The following BCL2L13 variants were observed in gnomAD, a reference collection of about 807,000 sequenced individuals.
The protein encoded by BCL2L13 is BCL2 like 13, also known as bcl-2-like protein 13.
A neutral mutation model predicts 25.8 loss-of-function variants in BCL2L13; 13 were observed. That is an observed-to-expected ratio of 0.50 (90% CI 0.33 to 0.80). The LOEUF is 0.80. Among genes scored for constraint, BCL2L13 ranks in the 30% least tolerant of loss-of-function variants. The probability of loss-of-function intolerance (pLI) is 0.02; values close to 1 mark genes in which losing one functional copy is unlikely to be tolerated. For missense variants in BCL2L13, 504 were observed against 574.9 expected, an observed-to-expected ratio of 0.88 and a Z score of 1.26; for synonymous variants, 244 against 230.3, an observed-to-expected ratio of 1.06 and a Z score of -0.54.
intron 1 of BCL2L13, among the ~76,000 whole-genome samples, chr22:17,643,350 C>G (rs879573649): frequency 6.6e-6 from 1 of 151,340 alleles, no homozygotes; most frequent in Admixed American, 6.6e-5. Context: ...GTGATCCGCC[C>G]GCCTTAGCCT....
intron 6 of BCL2L13, chr22:17,706,751 T>C (rs578058761): frequency 1.5e-6 from 2 of 1,352,080 alleles, no homozygotes; most frequent in East Asian, 4.5e-5. Context: ...CTCATTCTCT[T>C]TTCATTTCCT....
intron 2 of BCL2L13, among the ~76,000 whole-genome samples, chr22:17,680,327 G>A (rs1305173565): frequency 1.3e-5 from 2 of 150,670 alleles, no homozygotes; most frequent in Non-Finnish European, 3.0e-5. Flanking sequence ...TGGCTAACAC[G>A]GTGAAACCCC....
chr22:17,681,631 T>C (rs138411056), intron 2 of BCL2L13, among the ~76,000 whole-genome samples: 234 of 152,296 alleles, frequency 1.5e-3, no homozygotes, highest in Non-Finnish European at 2.3e-3. Flanking sequence ...CATTATTTTA[T>C]TGACATTCTC....
At chr22:17,706,599 G>A (rs933436698) in intron 6 of BCL2L13, 3 of 1,057,288 alleles carry the variant, frequency 2.8e-6, no homozygotes, top group African/African-American at 1.6e-5. Flanking sequence ...TCTGAAGAGT[G>A]TGGTTTTTTT....
At chr22:17,651,204 T>C (rs2058672667) in intron 1 of BCL2L13, among the ~76,000 whole-genome samples, 1 of 151,894 alleles carries the variant, frequency 6.6e-6, no homozygotes, top group Non-Finnish European at 1.5e-5. Flanking sequence ...TTCACCATGT[T>C]GGCCAGGATG....
At chr22:17,644,233 T>C (rs2058392648) in intron 1 of BCL2L13, among the ~76,000 whole-genome samples, 1 of 151,462 alleles carries the variant, frequency 6.6e-6, no homozygotes. Flanking sequence ...AATTACAGCT[T>C]TTTGATTTGT....
chr22:17,647,446 C>T (rs900666589), intron 1 of BCL2L13, among the ~76,000 whole-genome samples: 3 of 151,978 alleles, frequency 2.0e-5, no homozygotes, highest in Non-Finnish European at 2.9e-5. Context: ...TTTTTCCCCC[C>T]GTCCATTCTC....
chr22:17,638,709 G>A, upstream of BCL2L13: 1 of 1,231,736 alleles, frequency 8.1e-7, no homozygotes, highest in Non-Finnish European at 1.0e-6. Flanking sequence ...AGGTAGTTCA[G>A]GTCCCGCCCC....
chr22:17,702,410 A>G (rs2060465485), intron 6 of BCL2L13, 24 bp downstream of exon 6: 3 of 1,503,684 alleles, frequency 2.0e-6, no homozygotes, highest in African/African-American at 2.9e-5. Context: ...TATATTAAAA[A>G]TATTTTCTTG....
At chr22:17,697,267 C>T (rs748587994) in intron 5 of BCL2L13, among the ~76,000 whole-genome samples, 16 of 152,076 alleles carry the variant, frequency 1.1e-4, no homozygotes, top group South Asian at 4.2e-4. Context: ...GGAGAATCGC[C>T]GTCTCTACTA....
upstream of BCL2L13, among the ~76,000 whole-genome samples, chr22:17,634,206 G>T (rs1427210536): frequency 1.3e-5 from 2 of 151,554 alleles, no homozygotes; most frequent in African/African-American, 4.8e-5. Context: ...GTTTTTTTGA[G>T]ACGGAGTCTC....
At chr22:17,667,708 C>T (rs2059277393) in intron 2 of BCL2L13, among the ~76,000 whole-genome samples, 1 of 151,250 alleles carries the variant, frequency 6.6e-6, no homozygotes, top group East Asian at 2.0e-4. Context: ...GGAGTTTTAC[C>T]ATGTTGGCGA....
chr22:17,663,938 T>A (rs953859374), intron 2 of BCL2L13, among the ~76,000 whole-genome samples: 3 of 151,960 alleles, frequency 2.0e-5, no homozygotes, highest in African/African-American at 7.3e-5. Context: ...AACCTCCGCC[T>A]CCCGGGTCCA....
In BCL2L13 at chr22:17,726,951, A is replaced by G; in HGVS notation, c.875A>G (p.Asn292Ser). Residue 292 changes from asparagine to serine, a missense_variant, in exon 7 of 7, where the codon AAC (asparagine) becomes AGC (serine). Physicochemically the swap from Asn to Ser is conservative, Grantham distance 46. Coordinates refer to ENST00000317582, the MANE Select transcript of BCL2L13 (RefSeq NM_015367.4). The part of the protein sequence containing the change: ...DPEEVKSLDS[N>S]GAGEKSENNS... ...GAAGAAGTGAAAAGCTTAGACAGCA[A>G]CGGAGCTGGAGAGAAGAGTGAGAAC... 1 of 1,614,234 alleles carries G rather than the reference A, an allele frequency of 6.2e-7. No homozygotes were observed. Among genetic ancestry groups the G allele is most frequent in the Non-Finnish European group, 8.5e-7 (1 of 1,180,042 alleles).
chr22:17,634,521 T>C (rs2058075238), upstream of BCL2L13, among the ~76,000 whole-genome samples: 1 of 152,214 alleles, frequency 6.6e-6, no homozygotes, highest in South Asian at 2.1e-4. Context: ...CTTTTTTCTG[T>C]TTCAATGTTT....
intron 5 of BCL2L13, among the ~76,000 whole-genome samples, chr22:17,696,646 C>G (rs928815652): frequency 1.3e-5 from 2 of 152,046 alleles, no homozygotes; most frequent in African/African-American, 4.8e-5. Context: ...TTTGAGCATC[C>G]CAACCATCCT....
chr22:17,686,483 A>C (rs926764469), intron 3 of BCL2L13, among the ~76,000 whole-genome samples: 16 of 151,092 alleles, frequency 1.1e-4, no homozygotes, highest in African/African-American at 3.6e-4. Context: ...CTGAAACCTA[A>C]TGTTAGTCTT....
rs1302976766 is a variant in BCL2L13, at chr22:17,730,333, G to A, written c.*2799G>A. ...CTTCTGGTTCACCCATCTCCCCCTCGAGGCATTCTTGATACCCCTTCTCAC... is the reference window on the plus strand; with the variant it reads ...CTTCTGGTTCACCCATCTCCCCCTCAAGGCATTCTTGATACCCCTTCTCAC... On this transcript the variant is annotated 3_prime_UTR_variant, in exon 7 of 7. Transcript: ENST00000317582. 2.6e-5 allele frequency: 4 copies of A among 151,942 alleles called. No individual in the cohort carries two copies. In the East Asian group the frequency reaches 5.8e-4, roughly 22 times the overall value. 9.4% of individuals were successfully genotyped at this position (151,942 alleles called of 1,614,324 possible). A position where few individuals can be genotyped will look rare whatever the true frequency, so the allele number is the denominator to read the frequency against.
intron 2 of BCL2L13, among the ~76,000 whole-genome samples, chr22:17,656,968 G>A (rs768577900): frequency 2.0e-5 from 3 of 152,074 alleles, no homozygotes; most frequent in Admixed American, 6.6e-5. Flanking sequence ...ATAGGCGCAC[G>A]CTGCCACGCC....
Sources: allele counts gnomAD v4.1 joint callset (sites outside exome capture counted in the v4.1 genomes callset), GRCh38; gene constraint gnomAD v4.1.1; transcripts MANE v1.5; gene names NCBI Gene and HGNC (gene_info 2026-07-23, HGNC 2026-07-21).